MAGI1: variants seen among roughly 807,000 people sequenced by gnomAD.
MAGI1 encodes the protein membrane-associated guanylate kinase, WW and PDZ domain-containing protein 1.
MAGI1 carries 58 observed loss-of-function variants against 139.9 expected under a neutral mutation model. The observed-to-expected ratio is 0.41, with a 90% CI of 0.34 to 0.52. The LOEUF is 0.52. Ranked by LOEUF, MAGI1 falls within the 20% of genes least tolerant of loss-of-function variation. The probability of loss-of-function intolerance (pLI) is 0.12; values close to 1 mark genes in which losing one functional copy is unlikely to be tolerated. For synonymous variants in MAGI1, 812 were observed against 737.9 expected (o/e 1.10, Z -1.63); for missense variants, 1,874 against 1,901.6 (o/e 0.99, Z 0.27).
At chr3:65,543,586 T>C (rs1318544606) in intron 2 of MAGI1, among the ~76,000 whole-genome samples, 2 of 151,832 alleles carry the variant, frequency 1.3e-5, no homozygotes, top group African/African-American at 4.8e-5. Context: ...AAAGGATGAG[T>C]TCATGTCCTT....
intron 1 of MAGI1, among the ~76,000 whole-genome samples, chr3:65,774,491 T>A (rs1184991042): frequency 6.6e-6 from 1 of 152,202 alleles, no homozygotes; most frequent in Non-Finnish European, 1.5e-5. Context: ...ATTTTGAATG[T>A]CCAGGTTTTG....
chr3:66,026,347 G>A (rs949026665), intron 1 of MAGI1, among the ~76,000 whole-genome samples: 4 of 151,966 alleles, frequency 2.6e-5, no homozygotes, highest in African/African-American at 9.7e-5. Flanking sequence ...ACAACAACTG[G>A]CAGACAACCA....
At chr3:65,947,176 G>C (rs2063581565) in intron 1 of MAGI1, among the ~76,000 whole-genome samples, 1 of 152,140 alleles carries the variant, frequency 6.6e-6, no homozygotes, top group African/African-American at 2.4e-5. Context: ...TTCAAGGAAA[G>C]AGGATCCTAA....
chr3:65,487,216 C>T (rs1334391147), intron 3 of MAGI1, among the ~76,000 whole-genome samples: 1 of 152,206 alleles, frequency 6.6e-6, no homozygotes, highest in Non-Finnish European at 1.5e-5. Context: ...ATTCCACAGA[C>T]ATCCACTCTC....
chr3:65,807,079 T>C (rs990937727), intron 1 of MAGI1, among the ~76,000 whole-genome samples: 1 of 152,236 alleles, frequency 6.6e-6, no homozygotes, highest in African/African-American at 2.4e-5. Flanking sequence ...GGTATTCTAA[T>C]TTTCCACATT....
chr3:65,970,413 T>C (rs964878130), intron 1 of MAGI1, among the ~76,000 whole-genome samples: 16 of 151,760 alleles, frequency 1.1e-4, no homozygotes, highest in African/African-American at 2.9e-4. Flanking sequence ...TGGAGAGGAA[T>C]GGTGGTGACG....
intron 1 of MAGI1, among the ~76,000 whole-genome samples, chr3:65,649,845 A>T (rs1280530447): frequency 6.6e-6 from 1 of 152,226 alleles, no homozygotes; most frequent in Non-Finnish European, 1.5e-5. Flanking sequence ...AAAAATATTG[A>T]CAACGCCTAA....
At chr3:65,462,473 TC>T (rs1442590813) in intron 5 of MAGI1, among the ~76,000 whole-genome samples, 1 of 152,194 alleles carries the variant, frequency 6.6e-6, no homozygotes, top group Non-Finnish European at 1.5e-5. Flanking sequence ...GTTCCATTGG[TC>T]TATATATCTG....
intron 2 of MAGI1, among the ~76,000 whole-genome samples, chr3:65,564,222 T>TAGACA (rs1451411104): frequency 6.6e-6 from 1 of 151,920 alleles, no homozygotes; most frequent in Non-Finnish European, 1.5e-5. Flanking sequence ...TCCCCTGCCT[T>TAGACA]AGACAAGGCT....
intron 1 of MAGI1, among the ~76,000 whole-genome samples, chr3:66,020,110 A>T (rs1221937099): frequency 1.3e-5 from 2 of 152,202 alleles, no homozygotes; most frequent in Non-Finnish European, 2.9e-5. Context: ...GTAACAAGGC[A>T]TATCACCCGT....
At chr3:65,900,973 G>A (rs947598232) in intron 1 of MAGI1, among the ~76,000 whole-genome samples, 12 of 152,174 alleles carry the variant, frequency 7.9e-5, no homozygotes, top group Middle Eastern at 3.2e-3. Context: ...AAGTAAGAGC[G>A]CATTCAGCAG....
At chr3:65,502,495 A>T (rs1481436869) in intron 2 of MAGI1, among the ~76,000 whole-genome samples, 1 of 152,158 alleles carries the variant, frequency 6.6e-6, no homozygotes, top group African/African-American at 2.4e-5. Flanking sequence ...TTTGACACAC[A>T]CCTGGAGTCC....
At chr3:65,418,396 T>C (rs185340071) in intron 12 of MAGI1, among the ~76,000 whole-genome samples, 9 of 152,272 alleles carry the variant, frequency 5.9e-5, no homozygotes, top group African/African-American at 9.6e-5. Flanking sequence ...CTATTACTAC[T>C]AGGACTATGA....
chr3:65,712,524 T>C (rs1236925158), intron 1 of MAGI1, among the ~76,000 whole-genome samples: 1 of 151,938 alleles, frequency 6.6e-6, no homozygotes. Flanking sequence ...TTGTTGTTGT[T>C]GTTGTTGAGA....
chr3:66,035,969 C>T lies in MAGI1; in HGVS notation c.313+2027G>A, dbSNP rs1353320421. On this transcript the variant is annotated intron_variant, in intron 1 of 22. Coordinates refer to ENST00000402939, the MANE Select transcript of MAGI1 (RefSeq NM_001033057.2). ...AGCATCTTGCACACTGCAAACACTG[C>T]AAGCCAGCCCCTATTCAGGACCCGT... Among the ~76,000 whole-genome samples the T allele has an allele frequency of 6.6e-5, 10 of 152,194 alleles. No homozygotes were observed. The East Asian group carries it at 1.9e-3, about 29-fold the overall frequency.
chr3:65,693,121 T>A (rs889257024), intron 1 of MAGI1, among the ~76,000 whole-genome samples: 4 of 152,246 alleles, frequency 2.6e-5, no homozygotes, highest in East Asian at 1.9e-4. Flanking sequence ...TTTAAAAAAA[T>A]TTTTATACAG....
Position 65,613,871 on chromosome 3 carries a change from G to T in MAGI1, c.430+8101C>A, listed in dbSNP as rs938024706. On this transcript the variant is annotated intron_variant, in intron 2 of 22. Coordinates refer to ENST00000402939, the MANE Select transcript of MAGI1 (RefSeq NM_001033057.2). ...AAAAAAGAATCTTCATATAAATAAG[G>T]CCTCAAAGCCTAAAGAGAAACTGAA... Among the ~76,000 whole-genome samples the T allele has an allele frequency of 3.3e-5, 5 of 152,040 alleles. No homozygotes were observed. The South Asian group carries it at 1.0e-3, about 32-fold the overall frequency.
At chr3:65,995,367 C>G (rs1447851841) in intron 1 of MAGI1, among the ~76,000 whole-genome samples, 2 of 152,160 alleles carry the variant, frequency 1.3e-5, no homozygotes, top group Non-Finnish European at 2.9e-5. Context: ...GTGGCTCACA[C>G]CGTCCCAATG....
intron 1 of MAGI1, among the ~76,000 whole-genome samples, chr3:65,785,017 A>C (rs1470107437): frequency 8.4e-6 from 1 of 119,548 alleles, no homozygotes; most frequent in Non-Finnish European, 1.8e-5. Context: ...GAGGGCAGAA[A>C]TGTTCTAAAA....
Sources: gnomAD v4.1 joint callset for allele counts (sites outside exome capture counted in the v4.1 genomes callset) on GRCh38, gnomAD v4.1.1 for gene constraint, MANE v1.5 for transcripts, NCBI Gene and HGNC (gene_info 2026-07-23, HGNC 2026-07-21) for gene names.